Variants in TCTN2 observed in about 807,000 individuals in gnomAD.
TCTN2 encodes tectonic family member 2, also known as tectonic-2.
TCTN2 carries 66 observed loss-of-function variants against 83.4 expected under a neutral mutation model. The observed-to-expected ratio is 0.79, with a 90% CI of 0.65 to 0.97. The LOEUF is 0.97. TCTN2 is among the 50% of genes least tolerant of loss of function. The pLI is 0.00. For missense variants in TCTN2, 794 were observed against 858.1 expected (o/e 0.93, Z 0.93); for synonymous variants, 301 against 326.7 (o/e 0.92, Z 0.85).
chr12:123,704,024 T>TTTG (rs1956201233), intron 14 of TCTN2, among the ~76,000 whole-genome samples: 2 of 143,884 alleles, frequency 1.4e-5, no homozygotes, highest in South Asian at 4.4e-4. Context: ...TTTTTTTTTT[T>TTTG]TGAGACAGAG....
chr12:123,674,411 C>G (rs371037576), intron 4 of TCTN2, among the ~76,000 whole-genome samples: 5 of 152,114 alleles, frequency 3.3e-5, no homozygotes, highest in African/African-American at 1.2e-4. Context: ...GCTGGGACTA[C>G]AGGCTCACGC....
Position 123,690,576 on chromosome 12 carries a change from T to C in TCTN2, c.935T>C (p.Phe312Ser). The C allele has an allele frequency of 6.2e-7, 1 of 1,614,234 alleles. No homozygotes were observed. Among genetic ancestry groups the C allele is most frequent in the Non-Finnish European group, 8.5e-7 (1 of 1,180,044 alleles). ...TGTATGCAGAACGCCCCAGTGGCAT[T>C]TCTTCACAATTTTGATGTTAAATGC... ...GQCMQNAPVA[F>S]LHNFDVKCVT... Residue 312 changes from phenylalanine to serine, a missense_variant, in exon 8 of 18, where the codon TTT becomes TCT. Physicochemically the swap from Phe to Ser is radical, Grantham distance 155 (BLOSUM62 -2). Transcript: ENST00000303372.
intron 15 of TCTN2, among the ~76,000 whole-genome samples, chr12:123,706,497 G>T (rs1444670731): frequency 6.6e-6 from 1 of 152,224 alleles, no homozygotes; most frequent in Non-Finnish European, 1.5e-5. Context: ...GGCAGATGTT[G>T]CTGGGCGACA....
intron 5 of TCTN2, 64 bp from the exon 6 acceptor site, chr12:123,686,772 T>G: frequency 6.6e-7 from 1 of 1,520,630 alleles, no homozygotes; most frequent in Non-Finnish European, 9.1e-7. Flanking sequence ...GAGTTAGCAT[T>G]CGCTACGCTT....
intron 14 of TCTN2, among the ~76,000 whole-genome samples, chr12:123,703,524 C>A (rs1956196305): frequency 6.6e-6 from 1 of 152,066 alleles, no homozygotes; most frequent in African/African-American, 2.4e-5. Context: ...TCACTTTTGT[C>A]CAGGCTGGAA....
intron 6 of TCTN2, among the ~76,000 whole-genome samples, chr12:123,687,788 C>T (rs983620266): frequency 2.0e-5 from 3 of 152,022 alleles, no homozygotes; most frequent in African/African-American, 2.4e-5. Flanking sequence ...GTGGTGAAAC[C>T]CCATCTTTAC....
chr12:123,690,026 C>T (rs1477198243), intron 7 of TCTN2, among the ~76,000 whole-genome samples: 1 of 152,130 alleles, frequency 6.6e-6, no homozygotes, highest in Non-Finnish European at 1.5e-5. Flanking sequence ...TCTTGAACTC[C>T]TGGGCTCAAA....
intron 11 of TCTN2, 147 bp downstream of exon 11, chr12:123,695,444 C>T (rs886143811): frequency 1.1e-4 from 71 of 640,422 alleles, no homozygotes; most frequent in Middle Eastern, 8.8e-4. Flanking sequence ...TTTTTTGAGA[C>T]GGAGTCTTGC....
intron 4 of TCTN2, among the ~76,000 whole-genome samples, chr12:123,676,279 T>TA (rs962753034): frequency 6.7e-6 from 1 of 149,332 alleles, no homozygotes; most frequent in African/African-American, 2.5e-5. Context: ...ACCTTGTCTC[T>TA]AAAAAAAGAC....
intron 4 of TCTN2, among the ~76,000 whole-genome samples, chr12:123,678,648 G>A (rs1955854865): frequency 6.6e-6 from 1 of 152,042 alleles, no homozygotes; most frequent in Non-Finnish European, 1.5e-5. Flanking sequence ...TTATCTTCTA[G>A]ATCAACTATG....
In TCTN2 at chr12:123,679,242, T is replaced by C; in HGVS notation, c.517T>C (p.Cys173Arg). Reference sequence around the variant, plus strand: ...GTATCAGCCCCTTGGCCCTTGTCCTTGTAATTTAACAGCTGGAGCCTGTGA... The same window carrying C: ...GTATCAGCCCCTTGGCCCTTGTCCTCGTAATTTAACAGCTGGAGCCTGTGA... The part of the protein sequence containing the change: ...QVYQPLGPCP[C>R]NLTAGACDVR... The change falls in exon 5 of 18, where the codon TGT (cysteine) becomes CGT (arginine). Residue 173 changes from cysteine to arginine, a missense_variant. By Grantham distance (180) the Cys-to-Arg change is radical (BLOSUM62 -3). Transcript: ENST00000303372. The C allele has an allele frequency of 1.9e-6, 3 of 1,614,150 alleles. No individual in the cohort carries two copies. Among genetic ancestry groups the C allele is most frequent in the Non-Finnish European group, 2.5e-6 (3 of 1,179,988 alleles).
Position 123,673,796 on chromosome 12 carries a change from C to G in TCTN2, c.449C>G (p.Thr150Ser), listed in dbSNP as rs759741387. The change falls in exon 4 of 18, where the codon ACC (threonine) becomes AGC (serine). Residue 150 changes from threonine (T) to serine (S), a missense_variant. Transcript: ENST00000303372. Reference sequence around the variant, plus strand: ...GAAATTTATGCCAACTCTTCTCTGACCCATAATGCCTCAGGCAAGTGAAGT... The same window carrying G: ...GAAATTTATGCCAACTCTTCTCTGAGCCATAATGCCTCAGGCAAGTGAAGT... ...QVEIYANSSL[T>S]HNASENVTVI... 1.1e-5 allele frequency: 17 copies of G among 1,614,004 alleles called. No individual in the cohort carries two copies. Among genetic ancestry groups the G allele is most frequent in the Non-Finnish European group, 1.4e-5 (16 of 1,179,996 alleles).
At chr12:123,688,370 C>T (rs1020550867) in intron 7 of TCTN2, among the ~76,000 whole-genome samples, 193 bp downstream of exon 7, 4 of 151,818 alleles carry the variant, frequency 2.6e-5, no homozygotes, top group African/African-American at 7.3e-5. Flanking sequence ...TGTGTGCCAC[C>T]GCACCCAGCC....
intron 8 of TCTN2, among the ~76,000 whole-genome samples, chr12:123,692,019 C>G (rs1371699646): frequency 6.6e-6 from 1 of 152,088 alleles, no homozygotes; most frequent in Non-Finnish European, 1.5e-5. Flanking sequence ...CTCAGCCTCC[C>G]GAGTAGCTGG....
At chr12:123,698,234 GT>G (rs1329623169) in intron 13 of TCTN2, among the ~76,000 whole-genome samples, 1 of 151,884 alleles carries the variant, frequency 6.6e-6, no homozygotes, top group Non-Finnish European at 1.5e-5. Context: ...TAGAGATGGG[GT>G]TTCTCCATGT....
At position 123,690,557 on chromosome 12, in the gene TCTN2, C is replaced by T. The variant is rs1350588272; in HGVS notation, c.916C>T (p.Gln306Ter). 15 of 1,614,172 alleles carry T rather than the reference C, an allele frequency of 9.3e-6. No homozygotes were observed. In the East Asian group the frequency reaches 3.3e-4, roughly 36 times the overall value. The stretch of plus-strand genomic sequence containing the variant: ...GGTGTCCCTGGCTGGGCAGTGTATG[C>T]AGAACGCCCCAGTGGCATTTCTTCA... ...PQVSLAGQCM[Q>*]NAPVAFLHNF... Residue 306 changes from glutamine (Q) to a stop codon, truncating the protein, a stop_gained, in exon 8 of 18, where the codon CAG (glutamine) becomes TAG (stop). Transcript: ENST00000303372. LOFTEE classifies it high-confidence loss of function.
intron 11 of TCTN2, chr12:123,696,151 T>C (rs567716814): frequency 8.0e-5 from 35 of 438,478 alleles, no homozygotes; most frequent in African/African-American, 6.2e-4. Flanking sequence ...GCCGACATGG[T>C]ATTCTTTTTG....
In TCTN2 at chr12:123,707,974, C is replaced by A; in HGVS notation, c.*261C>A. On this transcript the variant is annotated 3_prime_UTR_variant, in exon 18 of 18. Coordinates refer to ENST00000303372, the MANE Select transcript of TCTN2 (RefSeq NM_024809.5). The stretch of plus-strand genomic sequence containing the variant: ...CCGCCCATCTTGGCCTCCCAAAGTG[C>A]TGAGATTACAGGCATGAGCCACCGC... 1 of 441,884 alleles carries A rather than the reference C, an allele frequency of 2.3e-6. No homozygotes were observed. 27.4% of individuals were successfully genotyped at this position (441,884 alleles called of 1,614,324 possible).
intron 9 of TCTN2, 89 bp downstream of exon 9, chr12:123,692,812 T>G (rs1408316571): frequency 1.0e-5 from 11 of 1,061,744 alleles, no homozygotes; most frequent in African/African-American, 8.0e-5. Flanking sequence ...TGTATATTTT[T>G]GTTAGTCATT....
Sources: allele counts gnomAD v4.1 joint callset (sites outside exome capture counted in the v4.1 genomes callset), GRCh38; gene constraint gnomAD v4.1.1; transcripts MANE v1.5; gene names NCBI Gene and HGNC (gene_info 2026-07-23, HGNC 2026-07-21).